GNAO1: variants seen among roughly 807,000 people sequenced by gnomAD.
GNAO1 encodes the protein guanine nucleotide-binding protein G(o) subunit alpha.
For synonymous variants in GNAO1, 164 were observed against 180.7 expected, an observed-to-expected ratio of 0.91 and a Z score of 0.74; for missense variants, 166 against 478.7, an observed-to-expected ratio of 0.35 and a Z score of 6.10.
chr16:56,346,669 A>G, intron 6 of GNAO1: 1 of 985,468 alleles, frequency 1.0e-6, no homozygotes, highest in South Asian at 4.7e-5. Context: ...TGGGGACCCT[A>G]GAGCTCAGGC....
At chr16:56,222,658 G>A (rs1377551195) in intron 2 of GNAO1, among the ~76,000 whole-genome samples, 1 of 152,164 alleles carries the variant, frequency 6.6e-6, no homozygotes, top group Non-Finnish European at 1.5e-5. Context: ...GCTCGCCCTG[G>A]AGCCTGGTAA....
At chr16:56,329,573 A>G (rs529173912) in intron 4 of GNAO1, among the ~76,000 whole-genome samples, 2 of 152,272 alleles carry the variant, frequency 1.3e-5, no homozygotes, top group African/African-American at 4.8e-5. Flanking sequence ...GAGCCCTGGG[A>G]TGGTCAGCGT....
At chr16:56,337,258 G>T (rs1364333369) in intron 6 of GNAO1, among the ~76,000 whole-genome samples, 1 of 152,362 alleles carries the variant, frequency 6.6e-6, no homozygotes, top group Non-Finnish European at 1.5e-5. Flanking sequence ...CATCCCTGGG[G>T]CACTGGCGTC....
At chr16:56,227,710 A>G (rs1005108046) in intron 2 of GNAO1, among the ~76,000 whole-genome samples, 1 of 151,484 alleles carries the variant, frequency 6.6e-6, no homozygotes, top group African/African-American at 2.4e-5. Flanking sequence ...AAAAAAAAAA[A>G]AAGAATTATG....
chr16:56,336,724 C>T lies in GNAO1; in HGVS notation c.594-7C>T. 1 of 1,608,154 alleles carries T rather than the reference C, an allele frequency of 6.2e-7. No homozygotes were observed. Among genetic ancestry groups the T allele is most frequent in the Non-Finnish European group, 8.5e-7 (1 of 1,177,828 alleles). The stretch of plus-strand genomic sequence containing the variant: ...CCCTGCGCCTACCAGCTCCCTGCCT[C>T]CTACAGGCTGTTTGACGTCGGAGGC... On this transcript the variant is annotated splice_polypyrimidine_tract_variant and splice_region_variant and intron_variant, in intron 5 of 8. Coordinates refer to ENST00000262493, the MANE Select transcript of GNAO1 (RefSeq NM_020988.3).
chr16:56,330,864 A>G (rs1163196176), intron 4 of GNAO1, among the ~76,000 whole-genome samples: 1 of 152,012 alleles, frequency 6.6e-6, no homozygotes, highest in Non-Finnish European at 1.5e-5. Flanking sequence ...CAAATTTTCC[A>G]CTTCCCAGGT....
chr16:56,221,860 T>C (rs998758466), intron 2 of GNAO1, among the ~76,000 whole-genome samples: 41 of 152,020 alleles, frequency 2.7e-4, no homozygotes, highest in Non-Finnish European at 1.2e-4. Context: ...GGTCTTTGAT[T>C]TTTTCCCAGG....
intron 6 of GNAO1, chr16:56,348,134 A>G (rs1344375165): frequency 1.0e-6 from 1 of 966,884 alleles, no homozygotes; most frequent in African/African-American, 1.8e-5. Flanking sequence ...TTATTGTAAT[A>G]ATTTATTGGC....
intron 2 of GNAO1, among the ~76,000 whole-genome samples, chr16:56,206,850 G>C (rs1394270348): frequency 4.6e-5 from 7 of 152,186 alleles, no homozygotes; most frequent in Admixed American, 4.6e-4. Flanking sequence ...CCCCTTCAAT[G>C]CTGTGCTTAC....
At chr16:56,337,074 G>T (rs1312330816) in intron 6 of GNAO1, among the ~76,000 whole-genome samples, 5 of 152,280 alleles carry the variant, frequency 3.3e-5, no homozygotes, top group African/African-American at 1.2e-4. Flanking sequence ...GTGTGGCAGA[G>T]CCTGTGTATG....
At chr16:56,198,893 A>G (rs2036257558) in intron 2 of GNAO1, among the ~76,000 whole-genome samples, 3 of 152,188 alleles carry the variant, frequency 2.0e-5, no homozygotes, top group South Asian at 4.1e-4. Context: ...TTATATAACA[A>G]ACTGTGTTGT....
chr16:56,192,510 C>T (rs1049369452), intron 1 of GNAO1, 64 bp from the exon 2 acceptor site: 84 of 1,039,146 alleles, frequency 8.1e-5, no homozygotes, highest in Non-Finnish European at 1.2e-4. Flanking sequence ...CCTTAGTCCC[C>T]CCCTCCCCCT....
intron 3 of GNAO1, among the ~76,000 whole-genome samples, chr16:56,297,240 G>A (rs1435171376): frequency 2.0e-5 from 3 of 152,026 alleles, no homozygotes; most frequent in Admixed American, 6.5e-5. Context: ...TCTAACATTC[G>A]TATCTGGTGT....
intron 2 of GNAO1, among the ~76,000 whole-genome samples, chr16:56,196,979 C>G (rs1188147259): frequency 6.6e-6 from 1 of 152,232 alleles, no homozygotes; most frequent in East Asian, 1.9e-4. Flanking sequence ...TTCCTCCCAG[C>G]TGACCCTGAC....
At chr16:56,264,069 G>A (rs535535056) in intron 2 of GNAO1, among the ~76,000 whole-genome samples, 85 of 152,354 alleles carry the variant, frequency 5.6e-4, no homozygotes, top group Middle Eastern at 6.8e-3. Context: ...AGAGGAGGCC[G>A]ACAGAGCTGC....
chr16:56,200,581 C>G (rs1405231893), intron 2 of GNAO1, among the ~76,000 whole-genome samples: 2 of 152,188 alleles, frequency 1.3e-5, no homozygotes, highest in African/African-American at 4.8e-5. Flanking sequence ...GTGTTGTATT[C>G]AGACAATGAT....
intron 3 of GNAO1, among the ~76,000 whole-genome samples, chr16:56,325,265 T>C (rs1596865632): frequency 6.6e-6 from 1 of 152,144 alleles, no homozygotes; most frequent in Non-Finnish European, 1.5e-5. Context: ...TCACCTGAGG[T>C]TGGGAGTTCG....
chr16:56,222,786 A>G (rs1368201140), intron 2 of GNAO1, among the ~76,000 whole-genome samples: 1 of 152,174 alleles, frequency 6.6e-6, no homozygotes, highest in East Asian at 1.9e-4. Context: ...TTCCCTTGAC[A>G]CGTGGGAGAG....
intron 3 of GNAO1, among the ~76,000 whole-genome samples, chr16:56,300,291 A>G (rs2037332354): frequency 6.6e-6 from 1 of 152,144 alleles, no homozygotes; most frequent in Non-Finnish European, 1.5e-5. Context: ...GAGAAAAGAG[A>G]AACAAACAGG....
Sources: gnomAD v4.1 joint callset for allele counts (sites outside exome capture counted in the v4.1 genomes callset) on GRCh38, gnomAD v4.1.1 for gene constraint, MANE v1.5 for transcripts, NCBI Gene and HGNC (gene_info 2026-07-23, HGNC 2026-07-21) for gene names.